Variants in IMMP2L observed in about 807,000 individuals in gnomAD.
IMMP2L encodes the protein inner mitochondrial membrane peptidase subunit 2.
In IMMP2L, 18 loss-of-function variants were observed where a neutral mutation model predicts 19.3. That is an observed-to-expected ratio of 0.93 (90% CI 0.64 to 1.38). The LOEUF (loss-of-function observed/expected upper bound fraction) is 1.38. Among genes scored for constraint, IMMP2L ranks in the 40% most tolerant of loss-of-function variants. IMMP2L has a pLI of 0.00. For missense variants in IMMP2L, 233 were observed against 218.2 expected (o/e 1.07, Z -0.43); for synonymous variants, 76 against 73.0 (o/e 1.04, Z -0.21).
chr7:110,854,019 A>G (rs1806502821), intron 5 of IMMP2L, among the ~76,000 whole-genome samples: 1 of 151,956 alleles, frequency 6.6e-6, no homozygotes, highest in Non-Finnish European at 1.5e-5. Flanking sequence ...ATGGACTAAG[A>G]ATATTATTAA....
At chr7:111,020,379 A>G (rs528224737) in intron 3 of IMMP2L, among the ~76,000 whole-genome samples, 8 of 152,102 alleles carry the variant, frequency 5.3e-5, no homozygotes, top group Admixed American at 2.0e-4. Context: ...GAGGGATTCC[A>G]TCTCAAACAA....
intron 3 of IMMP2L, among the ~76,000 whole-genome samples, chr7:111,182,341 T>C (rs1182370801): frequency 6.6e-6 from 1 of 151,950 alleles, no homozygotes; most frequent in Admixed American, 6.6e-5. Flanking sequence ...TCTTTGGTCC[T>C]ATGAAAACTA....
At chr7:111,323,374 A>C (rs367993741) in intron 3 of IMMP2L, among the ~76,000 whole-genome samples, 2 of 152,122 alleles carry the variant, frequency 1.3e-5, no homozygotes, top group Admixed American at 6.6e-5. Flanking sequence ...TATGCAGCCA[A>C]AAGGCACATG....
intron 5 of IMMP2L, 89 bp downstream of exon 5, chr7:110,886,504 G>T: frequency 5.4e-6 from 4 of 745,918 alleles, no homozygotes; most frequent in East Asian, 2.5e-5. Context: ...ATCAGTCTTG[G>T]CTGAGTTACC....
chr7:111,006,550 A>C lies in IMMP2L; in HGVS notation c.240-42985T>G, dbSNP rs533973111. Among the ~76,000 whole-genome samples, 4 of 152,296 alleles carry C rather than the reference A, an allele frequency of 2.6e-5. No individual in the cohort carries two copies. The South Asian group carries it at 8.3e-4, about 32-fold the overall frequency. ...GCTCAAATCTTTTGATAGACACTATACTAGGAAAACCATATTTCCCTGCTT... is the reference window on the plus strand; with the variant it reads ...GCTCAAATCTTTTGATAGACACTATCCTAGGAAAACCATATTTCCCTGCTT... On this transcript the variant is annotated intron_variant, in intron 3 of 5. Coordinates refer to ENST00000405709, the MANE Select transcript of IMMP2L (RefSeq NM_032549.4).
chr7:110,788,036 G>A (rs981249996), intron 5 of IMMP2L, among the ~76,000 whole-genome samples: 1 of 151,650 alleles, frequency 6.6e-6, no homozygotes, highest in South Asian at 2.1e-4. Flanking sequence ...CGATATCCCC[G>A]ATCATTATTT....
At chr7:110,736,922 T>C (rs930327471) in intron 5 of IMMP2L, among the ~76,000 whole-genome samples, 22 of 152,146 alleles carry the variant, frequency 1.4e-4, no homozygotes, top group African/African-American at 5.1e-4. Flanking sequence ...TTGGGGGATT[T>C]TGGAATGGAA....
At chr7:111,089,512 T>A (rs2129577605) in intron 3 of IMMP2L, among the ~76,000 whole-genome samples, 1 of 152,166 alleles carries the variant, frequency 6.6e-6, no homozygotes, top group Middle Eastern at 3.4e-3. Context: ...GAAACTAAGA[T>A]TTGCTAGATT....
intron 3 of IMMP2L, among the ~76,000 whole-genome samples, chr7:111,209,016 T>C (rs562986697): frequency 1.3e-5 from 2 of 152,340 alleles, no homozygotes; most frequent in Middle Eastern, 6.8e-3. Context: ...TTAAAACTGA[T>C]AGCATTATAA....
At chr7:111,510,028 G>T (rs1845293313) in intron 2 of IMMP2L, among the ~76,000 whole-genome samples, 1 of 152,082 alleles carries the variant, frequency 6.6e-6, no homozygotes, top group Non-Finnish European at 1.5e-5. Context: ...TTAGAGGGCA[G>T]TACAAAAGGA....
intron 3 of IMMP2L, among the ~76,000 whole-genome samples, chr7:111,470,165 C>T (rs1354390060): frequency 6.6e-6 from 1 of 152,100 alleles, no homozygotes; most frequent in East Asian, 1.9e-4. Flanking sequence ...CAAATCAAAA[C>T]CACAATGAGA....
intron 3 of IMMP2L, chr7:111,122,452 G>A (rs1265614390): frequency 4.6e-6 from 1 of 216,690 alleles, no homozygotes; most frequent in African/African-American, 2.3e-5. Context: ...GAAGAAGCAT[G>A]GGATTTAAAT....
chr7:110,669,102 T>G (rs879415799), intron 5 of IMMP2L, among the ~76,000 whole-genome samples: 17,213 of 142,234 alleles, frequency 0.12, 3,453 homozygotes, highest in African/African-American at 0.43. Context: ...TATGTATATA[T>G]ATATATAGAG....
chr7:110,997,912 G>A (rs546596397), intron 3 of IMMP2L, among the ~76,000 whole-genome samples: 10 of 152,118 alleles, frequency 6.6e-5, no homozygotes, highest in South Asian at 4.2e-4. Context: ...TTCTAATACC[G>A]GATGGTGTGA....
At chr7:110,772,380 G>T (rs954261117) in intron 5 of IMMP2L, among the ~76,000 whole-genome samples, 1 of 152,054 alleles carries the variant, frequency 6.6e-6, no homozygotes, top group Non-Finnish European at 1.5e-5. Flanking sequence ...CTGCCTGCTG[G>T]ACCCCCAAGG....
intron 3 of IMMP2L, among the ~76,000 whole-genome samples, chr7:111,261,218 C>G (rs763256495): frequency 6.6e-6 from 1 of 152,088 alleles, no homozygotes; most frequent in South Asian, 2.1e-4. Context: ...TGAAAGTTCT[C>G]TCATCATAGT....
chr7:111,207,734 C>T (rs1810877456), intron 3 of IMMP2L, among the ~76,000 whole-genome samples: 1 of 151,766 alleles, frequency 6.6e-6, no homozygotes, highest in Non-Finnish European at 1.5e-5. Flanking sequence ...CAAGGTTTCA[C>T]CATGTTGGCC....
At chr7:111,496,861 C>G (rs1010268781) in intron 2 of IMMP2L, among the ~76,000 whole-genome samples, 3 of 151,944 alleles carry the variant, frequency 2.0e-5, no homozygotes, top group African/African-American at 7.3e-5. Flanking sequence ...TCACATGACC[C>G]AATTCCCCTA....
At chr7:111,224,666 C>T (rs767992640) in intron 3 of IMMP2L, among the ~76,000 whole-genome samples, 3 of 152,008 alleles carry the variant, frequency 2.0e-5, no homozygotes, top group Admixed American at 6.6e-5. Flanking sequence ...TCCATGAGAA[C>T]CTTTCAGGAG....
Sources: gnomAD v4.1 joint callset for allele counts (sites outside exome capture counted in the v4.1 genomes callset) on GRCh38, gnomAD v4.1.1 for gene constraint, MANE v1.5 for transcripts, NCBI Gene and HGNC (gene_info 2026-07-23, HGNC 2026-07-21) for gene names.